The following CADPS2 variants were observed in gnomAD, a reference collection of about 807,000 sequenced individuals.
CADPS2 encodes the protein calcium dependent secretion activator 2, also known as calcium-dependent secretion activator 2.
A neutral mutation model predicts 172.5 loss-of-function variants in CADPS2; 93 were observed. The observed-to-expected ratio is 0.54, with a 90% CI of 0.46 to 0.64. The LOEUF (loss-of-function observed/expected upper bound fraction) is 0.64, where lower values mean the gene tolerates loss of function less well. Ranked by LOEUF, CADPS2 falls within the 30% of genes least tolerant of loss-of-function variation. The pLI is 0.00. For synonymous variants in CADPS2, 546 were observed against 555.2 expected (o/e 0.98, Z 0.23); for missense variants, 1,420 against 1,565.9 (o/e 0.91, Z 1.57).
At position 122,398,738 on chromosome 7, in the gene CADPS2, TTCTC is replaced by T. The variant is rs375630670; in HGVS notation, c.2747-5160_2747-5157del. ...AGCATTATGTAAAAGGAAAACACTC[TTCTC>T]TCTCTCTCTCTCTCTCTCTCTCCCG... is the stretch of plus-strand genomic sequence containing the variant. On this transcript the variant is annotated intron_variant, in intron 20 of 29. Coordinates refer to ENST00000449022, the MANE Select transcript of CADPS2 (RefSeq NM_017954.11). 3.1e-3 allele frequency among the ~76,000 whole-genome samples: 413 copies of T among 131,444 alleles called. 4 individuals carry two copies. The highest frequency in any genetic ancestry group is 9.7e-3 in the African/African-American group (339 of 34,910). The allele number at this position is 131,444 out of a possible 152,430, so 86.2% of individuals were successfully genotyped here.
At chr7:122,540,788 C>T (rs1487658294) in intron 8 of CADPS2, among the ~76,000 whole-genome samples, 1 of 152,082 alleles carries the variant, frequency 6.6e-6, no homozygotes, top group Non-Finnish European at 1.5e-5. Flanking sequence ...TTTCATTTCA[C>T]TCATAATACC....
intron 1 of CADPS2, among the ~76,000 whole-genome samples, chr7:122,871,872 C>T (rs948336049): frequency 4.6e-5 from 7 of 152,074 alleles, no homozygotes; most frequent in Admixed American, 4.6e-4. Context: ...TCCAGCTCAG[C>T]CTTCTTTCCA....
chr7:122,767,753 C>A (rs2093597527), intron 1 of CADPS2, among the ~76,000 whole-genome samples: 1 of 151,962 alleles, frequency 6.6e-6, no homozygotes, highest in Non-Finnish European at 1.5e-5. Context: ...AGAATAGAAG[C>A]TATTACTAAT....
intron 6 of CADPS2, among the ~76,000 whole-genome samples, chr7:122,595,604 C>G (rs1403224366): frequency 1.3e-5 from 2 of 152,166 alleles, no homozygotes; most frequent in Admixed American, 6.6e-5. Context: ...GAGGACTTTA[C>G]AGGGGGAATG....
At chr7:122,399,331 C>T (rs1221558873) in intron 20 of CADPS2, among the ~76,000 whole-genome samples, 1 of 152,056 alleles carries the variant, frequency 6.6e-6, no homozygotes, top group Non-Finnish European at 1.5e-5. Context: ...GGAATCATTT[C>T]TTATTTATAC....
intron 2 of CADPS2, among the ~76,000 whole-genome samples, chr7:122,673,554 T>C (rs1398441955): frequency 1.3e-5 from 2 of 152,270 alleles, no homozygotes; most frequent in South Asian, 2.1e-4. Context: ...AGAGTGCTGA[T>C]GGGTGCATTT....
intron 1 of CADPS2, among the ~76,000 whole-genome samples, chr7:122,796,540 C>G (rs1308153401): frequency 6.6e-6 from 1 of 152,008 alleles, no homozygotes; most frequent in Non-Finnish European, 1.5e-5. Flanking sequence ...GAACAGCATA[C>G]AGAGCCCAGA....
intron 1 of CADPS2, among the ~76,000 whole-genome samples, chr7:122,853,785 G>A (rs1814375726): frequency 6.6e-6 from 1 of 152,192 alleles, no homozygotes; most frequent in Admixed American, 6.5e-5. Flanking sequence ...CAGGAGAGAT[G>A]GAAGAAGAGA....
chr7:122,763,410 C>G (rs976503262), intron 1 of CADPS2, among the ~76,000 whole-genome samples: 6 of 152,042 alleles, frequency 3.9e-5, no homozygotes, highest in African/African-American at 1.4e-4. Flanking sequence ...TTGACAAACC[C>G]AGTTACAGCA....
chr7:122,686,054 C>T (rs975675012), intron 2 of CADPS2, among the ~76,000 whole-genome samples: 1 of 152,158 alleles, frequency 6.6e-6, no homozygotes, highest in African/African-American at 2.4e-5. Flanking sequence ...CTGAATTTCA[C>T]CTGTGGTCCA....
chr7:122,583,712 T>A (rs1227606970), intron 6 of CADPS2, among the ~76,000 whole-genome samples: 1 of 151,266 alleles, frequency 6.6e-6, no homozygotes, highest in Admixed American at 6.6e-5. Flanking sequence ...TCATATCATA[T>A]ACCTCACAAT....
intron 1 of CADPS2, among the ~76,000 whole-genome samples, chr7:122,875,014 T>C (rs1820836651): frequency 6.6e-6 from 1 of 152,148 alleles, no homozygotes; most frequent in South Asian, 2.1e-4. Flanking sequence ...AACATATCAG[T>C]GGTAACTAAT....
intron 7 of CADPS2, among the ~76,000 whole-genome samples, chr7:122,575,083 T>A (rs562744755): frequency 1.1e-4 from 16 of 152,140 alleles, no homozygotes; most frequent in African/African-American, 3.9e-4. Flanking sequence ...AAAAAAATAG[T>A]CTTATTTTTT....
chr7:122,606,736 G>A (rs1161795372), intron 6 of CADPS2, among the ~76,000 whole-genome samples: 1 of 152,008 alleles, frequency 6.6e-6, no homozygotes, highest in Non-Finnish European at 1.5e-5. Flanking sequence ...ATTGTGGCTG[G>A]TGCTAATGGG....
At chr7:122,654,906 T>C (rs2079563083) in intron 3 of CADPS2, among the ~76,000 whole-genome samples, 1 of 152,188 alleles carries the variant, frequency 6.6e-6, no homozygotes, top group Admixed American at 6.5e-5. Flanking sequence ...GGGAGGAAGT[T>C]AAAATGTCAA....
At chr7:122,487,478 G>A (rs971199612) in intron 11 of CADPS2, among the ~76,000 whole-genome samples, 1 of 152,008 alleles carries the variant, frequency 6.6e-6, no homozygotes, top group Non-Finnish European at 1.5e-5. Context: ...TACAAATTAG[G>A]CAAGGTATGT....
At chr7:122,716,187 G>T (rs992391283) in intron 2 of CADPS2, among the ~76,000 whole-genome samples, 1 of 152,008 alleles carries the variant, frequency 6.6e-6, no homozygotes, top group African/African-American at 2.4e-5. Context: ...AGTAATGGAA[G>T]TCTATGCATT....
intron 11 of CADPS2, among the ~76,000 whole-genome samples, chr7:122,489,833 T>C (rs951363397): frequency 6.6e-6 from 1 of 152,168 alleles, no homozygotes; most frequent in African/African-American, 2.4e-5. Context: ...AATTTTCTTA[T>C]GTGCTCTTGA....
chr7:122,662,960 AT>A (rs2080773250), intron 3 of CADPS2, among the ~76,000 whole-genome samples: 1 of 152,218 alleles, frequency 6.6e-6, no homozygotes, highest in Non-Finnish European at 1.5e-5. Flanking sequence ...GGCATGGCCC[AT>A]TAATACCTAA....
Sources: gnomAD v4.1 joint callset for allele counts (sites outside exome capture counted in the v4.1 genomes callset) on GRCh38, gnomAD v4.1.1 for gene constraint, MANE v1.5 for transcripts, NCBI Gene and HGNC (gene_info 2026-07-23, HGNC 2026-07-21) for gene names.